The following ZNF248 variants were observed in gnomAD, a reference collection of about 807,000 sequenced individuals.
ZNF248 encodes the protein zinc finger protein 248.
Under a neutral mutation model 44.3 loss-of-function variants are expected in ZNF248, and 20 were observed. The ratio of observed to expected loss-of-function variants is 0.45; its 90% CI spans 0.32 to 0.66. ZNF248 has a LOEUF of 0.66. Ranked by LOEUF, ZNF248 falls within the 30% of genes least tolerant of loss-of-function variation. The pLI is 0.04. For synonymous variants in ZNF248, 224 were observed against 229.0 expected, an observed-to-expected ratio of 0.98 and a Z score of 0.20; for missense variants, 654 against 677.0, an observed-to-expected ratio of 0.97 and a Z score of 0.38.
In ZNF248 at chr10:37,807,635, T is replaced by C. The variant is rs1053774097; in HGVS notation, c.330+25390A>G. 8.5e-5 allele frequency among the ~76,000 whole-genome samples: 13 copies of C among 152,222 alleles called. 1 individual carries two copies. The highest frequency in any genetic ancestry group is 3.1e-4 in the African/African-American group (13 of 41,466). On this transcript the variant is annotated intron_variant, in intron 6 of 6. Transcript: ENST00000615949. ...TTTTGTAGTTTTCAGTGTACAAGTC[T>C]TTTGCCTCCTTGATGTAGCTTTTTT...
At chr10:37,826,149 T>C (rs1360400603), downstream of ZNF248, among the ~76,000 whole-genome samples, 1 of 152,132 alleles carries the variant, frequency 6.6e-6, no homozygotes, top group Non-Finnish European at 1.5e-5. Context: ...GTAAATGAGT[T>C]CACCATATAT....
At chr10:37,824,605 TATA>T (rs746036909), downstream of ZNF248, among the ~76,000 whole-genome samples, 5 of 151,702 alleles carry the variant, frequency 3.3e-5, no homozygotes, top group East Asian at 3.9e-4. Flanking sequence ...ATTTAAAAAT[TATA>T]ATGAGCATTT....
intron 6 of ZNF248, among the ~76,000 whole-genome samples, chr10:37,801,119 A>G (rs139246288): frequency 0.06 from 9,086 of 151,924 alleles, 348 homozygotes; most frequent in Middle Eastern, 0.095. Context: ...GCTCACGCCT[A>G]TAATCCCAGC....
intron 6 of ZNF248, among the ~76,000 whole-genome samples, chr10:37,791,117 G>A (rs1412079031): frequency 1.6e-5 from 2 of 128,372 alleles, no homozygotes; most frequent in East Asian, 2.3e-4. Context: ...GCAGTGGTGC[G>A]ATCTGAACCT....
At chr10:37,794,066 G>A (rs1028983610) in intron 6 of ZNF248, among the ~76,000 whole-genome samples, 4 of 152,048 alleles carry the variant, frequency 2.6e-5, no homozygotes, top group Non-Finnish European at 5.9e-5. Flanking sequence ...ATGATTATTT[G>A]ATGTTCACGG....
At chr10:37,796,034 A>C (rs917955890) in intron 6 of ZNF248, 5 of 152,300 alleles carry the variant, frequency 3.3e-5, no homozygotes, top group African/African-American at 1.2e-4. Flanking sequence ...AATGTGGCTA[A>C]GCTTTGGCTT....
chr10:37,808,881 T>C (rs1352178865), intron 6 of ZNF248, among the ~76,000 whole-genome samples: 1 of 152,116 alleles, frequency 6.6e-6, no homozygotes, highest in Non-Finnish European at 1.5e-5. Flanking sequence ...AGTTTTTTTT[T>C]CATTACTGAT....
At chr10:37,844,969 T>TCTCCC in intron 3 of ZNF248, among the ~76,000 whole-genome samples, 2 of 122,970 alleles carry the variant, frequency 1.6e-5, no homozygotes, top group African/African-American at 3.0e-5. Context: ...CCTTCTTCCC[T>TCTCCC]TCCCCTTTCC....
At chr10:37,770,450 C>A in the ZNF248 span, among the ~76,000 whole-genome samples, 5 of 152,084 alleles carry the variant, frequency 3.3e-5, no homozygotes, top group African/African-American at 1.2e-4. Context: ...CAGAACAGAG[C>A]CCTCAGAAAT....
At chr10:37,848,911 T>C (rs1057339685) in intron 3 of ZNF248, among the ~76,000 whole-genome samples, 4 of 152,220 alleles carry the variant, frequency 2.6e-5, no homozygotes, top group Non-Finnish European at 4.4e-5. Flanking sequence ...TCTTCACTTT[T>C]AAATATGAAT....
At chr10:37,854,965 C>A (rs112490819) in intron 3 of ZNF248, among the ~76,000 whole-genome samples, 6 of 152,300 alleles carry the variant, frequency 3.9e-5, no homozygotes, top group African/African-American at 1.4e-4. Context: ...TAAAGGACCC[C>A]ATCCACAGCT....
chr10:37,764,251 A>T, the ZNF248 span, among the ~76,000 whole-genome samples: 1 of 152,144 alleles, frequency 6.6e-6, no homozygotes, highest in Non-Finnish European at 1.5e-5. Context: ...AAGATAAGGG[A>T]TGAAATAAGC....
At chr10:37,812,849 C>T (rs1251306588) in intron 6 of ZNF248, among the ~76,000 whole-genome samples, 1 of 152,108 alleles carries the variant, frequency 6.6e-6, no homozygotes, top group Non-Finnish European at 1.5e-5. Flanking sequence ...GGAAGGATGA[C>T]ACCACTGGCA....
At chr10:37,790,704 G>A (rs535755220) in intron 6 of ZNF248, among the ~76,000 whole-genome samples, 16 of 134,512 alleles carry the variant, frequency 1.2e-4, no homozygotes, top group Admixed American at 3.0e-4. Context: ...GCGAGGCTCC[G>A]TCTCTAAATA....
chr10:37,769,588 ACT>A, the ZNF248 span, among the ~76,000 whole-genome samples: 4 of 152,234 alleles, frequency 2.6e-5, no homozygotes, highest in South Asian at 2.1e-4. Context: ...CATGCTAAAA[ACT>A]CTCAATAAAT....
At chr10:37,812,650 C>T (rs200903) in intron 6 of ZNF248, among the ~76,000 whole-genome samples, 72,508 of 151,766 alleles carry the variant, frequency 0.48, 17,654 homozygotes, top group East Asian at 0.55. Context: ...AGCATGCCCC[C>T]GGCCACCCAG....
chr10:37,791,193 C>T (rs2133072255), intron 6 of ZNF248, among the ~76,000 whole-genome samples: 1 of 151,298 alleles, frequency 6.6e-6, no homozygotes, highest in Non-Finnish European at 1.5e-5. Flanking sequence ...AGGCACCCGC[C>T]ACCACGACCG....
chr10:37,784,266 G>A (rs113709630), intron 6 of ZNF248: 63 of 152,434 alleles, frequency 4.1e-4, no homozygotes, highest in African/African-American at 1.4e-3. Context: ...AAGGCCAGAT[G>A]TTAGAGTCCT....
At chr10:37,804,809 CATAAA>C (rs2050330024) in intron 6 of ZNF248, among the ~76,000 whole-genome samples, 3 of 152,220 alleles carry the variant, frequency 2.0e-5, no homozygotes, top group South Asian at 4.2e-4. Context: ...TTTCCAAGTC[CATAAA>C]ATAAGAGTAT....
Sources: gnomAD v4.1 joint callset for allele counts (sites outside exome capture counted in the v4.1 genomes callset) on GRCh38, gnomAD v4.1.1 for gene constraint, MANE v1.5 for transcripts, NCBI Gene and HGNC (gene_info 2026-07-23, HGNC 2026-07-21) for gene names.